HSF5: variants seen among roughly 807,000 people sequenced by gnomAD.
HSF5 encodes the protein heat shock factor protein 5.
In HSF5, 5 loss-of-function variants were observed where a neutral mutation model predicts 50.8. The ratio of observed to expected loss-of-function variants is 0.10; its 90% CI spans 0.05 to 0.21. The LOEUF is 0.21. Among genes scored for constraint, HSF5 ranks in the 10% least tolerant of loss-of-function variants. The probability of loss-of-function intolerance (pLI) is 1.00; values close to 1 mark genes in which losing one functional copy is unlikely to be tolerated. For missense variants in HSF5, 564 were observed against 762.6 expected (o/e 0.74, Z 3.07); for synonymous variants, 307 against 307.4 (o/e 1.00, Z 0.02).
At chr17:58,432,146 TAAG>T (rs1287873255) in intron 5 of HSF5, among the ~76,000 whole-genome samples, 1 of 152,110 alleles carries the variant, frequency 6.6e-6, no homozygotes, top group African/African-American at 2.4e-5. Context: ...ATTAGTAAGA[TAAG>T]AATGTATATG....
intron 2 of HSF5, among the ~76,000 whole-genome samples, chr17:58,477,632 T>C (rs539041283): frequency 4.0e-5 from 6 of 151,726 alleles, no homozygotes; most frequent in Admixed American, 1.3e-4. Context: ...GCTAATTTTT[T>C]TGTATTTTTA....
intron 1 of HSF5, among the ~76,000 whole-genome samples, chr17:58,484,980 C>T (rs1307158615): frequency 1.7e-5 from 2 of 119,862 alleles, no homozygotes; most frequent in African/African-American, 3.3e-5. Context: ...TTTGAGACAG[C>T]GTCTCACTCT....
intron 5 of HSF5, among the ~76,000 whole-genome samples, chr17:58,428,970 A>G (rs1021816884): frequency 6.6e-6 from 1 of 152,268 alleles, no homozygotes; most frequent in African/African-American, 2.4e-5. Context: ...CACAATAGGC[A>G]AAACATAGAA....
intron 4 of HSF5, among the ~76,000 whole-genome samples, chr17:58,460,227 C>T (rs1272358492): frequency 2.6e-5 from 4 of 151,998 alleles, no homozygotes; most frequent in Non-Finnish European, 5.9e-5. Flanking sequence ...CTATGTTGCC[C>T]AGACCAGTCT....
At chr17:58,450,510 T>C (rs1974624457) in intron 5 of HSF5, among the ~76,000 whole-genome samples, 1 of 151,772 alleles carries the variant, frequency 6.6e-6, no homozygotes, top group Non-Finnish European at 1.5e-5. Context: ...TCCCAGCACT[T>C]TGGGAGGCTG....
intron 5 of HSF5, among the ~76,000 whole-genome samples, chr17:58,441,055 A>C (rs2143746929): frequency 6.6e-6 from 1 of 152,364 alleles, no homozygotes; most frequent in East Asian, 1.9e-4. Context: ...AATACACATT[A>C]CTTTCAAGTG....
chr17:58,431,659 A>G (rs1974366466), intron 5 of HSF5, among the ~76,000 whole-genome samples: 1 of 152,224 alleles, frequency 6.6e-6, no homozygotes, highest in African/African-American at 2.4e-5. Context: ...GAGATATGGA[A>G]TGGTGTCTTT....
In HSF5 at chr17:58,429,905, A is replaced by G. The variant is rs1974341787; in HGVS notation, c.1721-7475T>C. ...ATTTTACCTTAAAAAAAAAAGGTAT[A>G]TTTTCCTGTCAATTTGAAATGACCA... On this transcript the variant is annotated intron_variant, in intron 5 of 5. Coordinates refer to ENST00000323777, the MANE Select transcript of HSF5 (RefSeq NM_001080439.3). Among the ~76,000 whole-genome samples the G allele has an allele frequency of 3.9e-5, 6 of 151,958 alleles. No homozygotes were observed. In the South Asian group the frequency reaches 1.2e-3, roughly 32 times the overall value.
chr17:58,423,103 G>C (rs1261202597), intron 5 of HSF5, among the ~76,000 whole-genome samples: 1 of 152,154 alleles, frequency 6.6e-6, no homozygotes, highest in African/African-American at 2.4e-5. Flanking sequence ...TGTAAGAGTA[G>C]GTGGGTGGGT....
chr17:58,450,496 G>A (rs979611904), intron 5 of HSF5, among the ~76,000 whole-genome samples: 5 of 152,138 alleles, frequency 3.3e-5, no homozygotes, highest in Non-Finnish European at 7.3e-5. Flanking sequence ...GCTCACGTCT[G>A]TAATCCCAGC....
chr17:58,479,252 A>C (rs1182310119), intron 2 of HSF5, among the ~76,000 whole-genome samples: 1 of 152,142 alleles, frequency 6.6e-6, no homozygotes, highest in Admixed American at 6.5e-5. Flanking sequence ...CATATTAAAA[A>C]AAAACTACAG....
chr17:58,433,911 ATTTTT>A (rs59043902), intron 5 of HSF5, among the ~76,000 whole-genome samples: 1 of 109,362 alleles, frequency 9.1e-6, no homozygotes, highest in African/African-American at 3.6e-5. Context: ...GGTCAAAGGG[ATTTTT>A]TTTTTTTTTT....
At chr17:58,471,134 A>C (rs1213055036) in intron 2 of HSF5, among the ~76,000 whole-genome samples, 3 of 152,174 alleles carry the variant, frequency 2.0e-5, no homozygotes, top group Non-Finnish European at 4.4e-5. Context: ...AGTTCTGGAG[A>C]TAGACAGTGG....
chr17:58,480,398 A>C, intron 1 of HSF5, 131 bp from the exon 2 acceptor site: 1 of 735,810 alleles, frequency 1.4e-6, no homozygotes, highest in Non-Finnish European at 2.0e-6. Flanking sequence ...TAGGTTTGGT[A>C]AAAACAAGTT....
chr17:58,464,016 C>A (rs1175745564), intron 3 of HSF5, among the ~76,000 whole-genome samples: 5 of 152,144 alleles, frequency 3.3e-5, no homozygotes, highest in Non-Finnish European at 5.9e-5. Flanking sequence ...TGATGTTGCA[C>A]AATGAAGAGC....
chr17:58,433,884 T>G (rs1426072908), intron 5 of HSF5, among the ~76,000 whole-genome samples: 2 of 148,608 alleles, frequency 1.3e-5, no homozygotes, highest in Non-Finnish European at 3.0e-5. Context: ...AATAGCTACA[T>G]GGAGGTATGA....
Position 58,487,834 on chromosome 17 carries a change from G to T in HSF5, c.441C>A (p.Arg147=). Residue 147 remains arginine, a synonymous_variant, in exon 1 of 6, where the codon CGC becomes CGA. Coordinates refer to ENST00000323777, the MANE Select transcript of HSF5 (RefSeq NM_001080439.3). The part of the protein sequence containing the change: ...KLAAGLEVPC[R]PPNRFQRLLI... Reference sequence around the variant, plus strand: ...GCAGCCGCTGGAAGCGGTTGGGCGGGCGGCAGGGCACCTCCAGGCCGGCCG... The same window carrying T: ...GCAGCCGCTGGAAGCGGTTGGGCGGTCGGCAGGGCACCTCCAGGCCGGCCG... 1.3e-6 allele frequency: 2 copies of T among 1,581,426 alleles called. No homozygotes were observed. The highest frequency in any genetic ancestry group is 1.7e-6 in the Non-Finnish European group (2 of 1,171,092).
chr17:58,435,339 A>T (rs943364308), intron 5 of HSF5, among the ~76,000 whole-genome samples: 7 of 150,652 alleles, frequency 4.6e-5, no homozygotes, highest in Non-Finnish European at 7.4e-5. Flanking sequence ...ACCTGAGGTC[A>T]GGAGTTCAAG....
chr17:58,477,692 C>T (rs1051670452), intron 2 of HSF5, among the ~76,000 whole-genome samples: 11 of 152,092 alleles, frequency 7.2e-5, no homozygotes, highest in African/African-American at 2.2e-4. Context: ...GATCTCCTGA[C>T]CTCGTGATCT....
Sources: gnomAD v4.1 joint callset for allele counts (sites outside exome capture counted in the v4.1 genomes callset) on GRCh38, gnomAD v4.1.1 for gene constraint, MANE v1.5 for transcripts, NCBI Gene and HGNC (gene_info 2026-07-23, HGNC 2026-07-21) for gene names.